Variants in CEP170B observed in about 807,000 individuals in gnomAD.
The protein encoded by CEP170B is centrosomal protein 170B.
A neutral mutation model predicts 120.6 loss-of-function variants in CEP170B; 55 were observed. That is an observed-to-expected ratio of 0.46 (90% confidence interval 0.37 to 0.57). CEP170B has a LOEUF of 0.57. Among genes scored for constraint, CEP170B ranks in the 20% least tolerant of loss-of-function variants. The probability of loss-of-function intolerance (pLI) is 0.00; values close to 1 mark genes in which losing one functional copy is unlikely to be tolerated. For synonymous variants in CEP170B, 1,033 were observed against 954.5 expected (o/e 1.08, Z -1.52); for missense variants, 2,212 against 2,253.3 (o/e 0.98, Z 0.37).
rs540529843 is a variant in CEP170B, at chr14:104,895,511, C to G, written c.*553C>G. 3.3e-5 allele frequency: 5 copies of G among 152,922 alleles called. No individual in the cohort carries two copies. Among genetic ancestry groups the G allele is most frequent in the African/African-American group, 1.2e-4 (5 of 41,606 alleles). The allele number at this position is 152,922 out of a possible 1,614,324, so 9.5% of individuals were successfully genotyped here. A position where few individuals can be genotyped will look rare whatever the true frequency, so the allele number is the denominator to read the frequency against. On this transcript the variant is annotated 3_prime_UTR_variant, in exon 19 of 19. Transcript: ENST00000414716. Reference sequence around the variant, plus strand: ...CTTGCCCTGGTGGCTCCCACCTGACCCCAGGCCTTTTATAGGCAGGAGCCC... The same window carrying G: ...CTTGCCCTGGTGGCTCCCACCTGACGCCAGGCCTTTTATAGGCAGGAGCCC...
rs1201155530 is a variant in CEP170B at position 104,886,969 on chromosome 14, C to A, written c.2730C>A (p.Thr910=). The A allele has an allele frequency of 1.4e-5, 23 of 1,608,772 alleles. No individual in the cohort carries two copies. The highest frequency in any genetic ancestry group is 1.7e-6 in the Non-Finnish European group (2 of 1,179,818). Reference sequence around the variant, plus strand: ...GCATGGACTTCCACTCCCAGGACACCCACCTGATCTTGAAGGAGACGGAGA... The same window carrying A: ...GCATGGACTTCCACTCCCAGGACACACACCTGATCTTGAAGGAGACGGAGA... ...AARMDFHSQD[T]HLILKETETA... The change falls in exon 12 of 19, where the codon ACC becomes ACA. Residue 910 remains threonine (T), a synonymous_variant. Transcript: ENST00000414716.
chr14:104,894,162 C>T (rs1896979716), intron 16 of CEP170B, 123 bp from the exon 17 acceptor site: 1 of 788,284 alleles, frequency 1.3e-6, no homozygotes, highest in Admixed American at 2.1e-5. Flanking sequence ...CTCAGTTTCC[C>T]CCTTAGGCCC....
intron 15 of CEP170B, 30 bp from the exon 16 acceptor site, chr14:104,893,731 C>CG (rs1367518005): frequency 2.3e-5 from 37 of 1,592,942 alleles, no homozygotes; most frequent in Non-Finnish European, 3.1e-5. Context: ...TCCTCGAGGG[C>CG]GGGGCCATGC....
At position 104,865,961 on chromosome 14, in the gene CEP170B, C is replaced by T. The variant is rs189313437; in HGVS notation, c.-28+448C>T. Reference sequence around the variant, plus strand: ...CGCCGTCTCCCCGCTGTCCCTGCCTCTCCCGGCCTGTGCGCTCCTTCCACC... The same window carrying T: ...CGCCGTCTCCCCGCTGTCCCTGCCTTTCCCGGCCTGTGCGCTCCTTCCACC... On this transcript the variant is annotated intron_variant, in intron 1 of 18. Coordinates refer to ENST00000414716, the MANE Select transcript of CEP170B (RefSeq NM_001112726.3). The surrounding 1 kb of genome is among the most constrained non-coding windows in gnomAD (Gnocchi z 6.7). Among the ~76,000 whole-genome samples, 510 of 152,340 alleles carry T rather than the reference C, an allele frequency of 3.3e-3. 3 individuals carry two copies. The highest frequency in any genetic ancestry group is 0.011 in the African/African-American group (478 of 41,584).
rs771744040 is a variant in CEP170B at position 104,885,402 on chromosome 14, A to C, written c.1804A>C (p.Arg602=). 1.3e-6 allele frequency: 2 copies of C among 1,570,788 alleles called. No homozygotes were observed. Among genetic ancestry groups the C allele is most frequent in the Non-Finnish European group, 1.7e-6 (2 of 1,158,480 alleles). ...FGVLESPELS[R]ASSATFRPVI... ...GGTGTTGGAGTCCCCTGAACTCTCCAGGGCATCTTCGGCCACCTTTCGCCC... is the reference window on the plus strand; with the variant it reads ...GGTGTTGGAGTCCCCTGAACTCTCCCGGGCATCTTCGGCCACCTTTCGCCC... The change falls in exon 10 of 19, where the codon AGG becomes CGG. Residue 602 remains arginine (R), a synonymous_variant. Coordinates refer to ENST00000414716, the MANE Select transcript of CEP170B (RefSeq NM_001112726.3).
In CEP170B at chr14:104,895,589, G is replaced by C. The variant is rs1244156858; in HGVS notation, c.*631G>C. Reference sequence around the variant, plus strand: ...CAGTTGCCAAACCCATTGAGCTTGGGGCTGCCCTGTGGAGGCCTCCTGGGT... The same window carrying C: ...CAGTTGCCAAACCCATTGAGCTTGGCGCTGCCCTGTGGAGGCCTCCTGGGT... On this transcript the variant is annotated 3_prime_UTR_variant, in exon 19 of 19. Transcript: ENST00000414716. The C allele has an allele frequency of 6.5e-6, 1 of 152,768 alleles. No individual in the cohort carries two copies. The highest frequency in any genetic ancestry group is 1.5e-5 in the Non-Finnish European group (1 of 68,210). The allele number at this position is 152,768 out of a possible 1,614,324, so 9.5% of individuals were successfully genotyped here.
rs1446396654 is a variant in CEP170B, at chr14:104,867,749, G to A, written c.-27-675G>A. On this transcript the variant is annotated intron_variant, in intron 1 of 18. Transcript: ENST00000414716. This position sits in a 1 kb window ranked among gnomAD's most constrained non-coding sequence, Gnocchi z 5.4. ...TCTTTGTTGATGTCACTGGGACTAT[G>A]GGCACCAAAGCCTCACTTCCCTCTT... Among the ~76,000 whole-genome samples the A allele has an allele frequency of 1.3e-5, 2 of 152,102 alleles. No individual in the cohort carries two copies. Among genetic ancestry groups the A allele is most frequent in the Admixed American group, 6.6e-5 (1 of 15,266 alleles).
At chr14:104,889,544 T>C (rs1409546455) in intron 12 of CEP170B, 76 bp from the exon 13 acceptor site, 1 of 1,598,104 alleles carries the variant, frequency 6.3e-7, no homozygotes, top group Non-Finnish European at 8.5e-7. Context: ...GGGCTCGGAT[T>C]ACACGTCCAC....
At chr14:104,873,645 G>A (rs572584352) in intron 2 of CEP170B, among the ~76,000 whole-genome samples, 14 of 152,136 alleles carry the variant, frequency 9.2e-5, no homozygotes, top group Admixed American at 4.6e-4. Context: ...GAGGCCCAGC[G>A]GGTCTGAGGC....
At chr14:104,880,198 C>G in intron 5 of CEP170B, 89 bp from the exon 6 acceptor site, 1 of 1,514,378 alleles carries the variant, frequency 6.6e-7, no homozygotes, top group South Asian at 1.2e-5. Context: ...TAGCTGGGCC[C>G]TCTGGATGGA....
Position 104,883,936 on chromosome 14 carries a change from T to C in CEP170B, c.1157T>C (p.Leu386Pro). The C allele has an allele frequency of 3.7e-6, 6 of 1,603,400 alleles. No individual in the cohort carries two copies. Among genetic ancestry groups the C allele is most frequent in the Non-Finnish European group, 5.1e-6 (6 of 1,175,544 alleles). Residue 386 changes from leucine to proline, a missense_variant, in exon 9 of 19, where the codon CTG becomes CCG. Leu to Pro is a moderately conservative substitution (Grantham distance 98). Around this residue, in one of 2 missense-constraint regions of CEP170B, gnomAD observed 2,166 missense variants for 2,166.7 expected, o/e 1.00. Coordinates refer to ENST00000414716, the MANE Select transcript of CEP170B (RefSeq NM_001112726.3). The stretch of plus-strand genomic sequence containing the variant: ...GAGGCCAGCGGGGAGCAGGTGCGGC[T>C]GCAGAGGCAGATCAAGCGGGACCCC... ...PLEASGEQVR[L>P]QRQIKRDPQE...
At chr14:104,890,325 GATGGATGGATGGATGAGTGT>G (rs1896756509) in intron 13 of CEP170B, among the ~76,000 whole-genome samples, 1 of 135,264 alleles carries the variant, frequency 7.4e-6, no homozygotes, top group Non-Finnish European at 1.6e-5. Flanking sequence ...TGGGTGGGTG[GATGGATGGATGGATGAGTGT>G]GTGGATGGAT....
Position 104,884,266 on chromosome 14 carries a change from G to T in CEP170B, c.1487G>T (p.Arg496Leu). 1 of 1,543,122 alleles carries T rather than the reference G, an allele frequency of 6.5e-7. No individual in the cohort carries two copies. Among genetic ancestry groups the T allele is most frequent in the Non-Finnish European group, 8.7e-7 (1 of 1,145,618 alleles). Residue 496 changes from arginine to leucine, a missense_variant, in exon 9 of 19, where the codon CGC becomes CTC. By Grantham distance (102) the Arg-to-Leu change is moderately radical (BLOSUM62 -2). This residue lies in a region of CEP170B where 2,166 missense variants were observed against 2,166.7 expected (regional missense o/e 1.00). Coordinates refer to ENST00000414716, the MANE Select transcript of CEP170B (RefSeq NM_001112726.3). ...PARPFGSVGRRSRLAQDFMAQ... is the reference protein window; with the variant it reads ...PARPFGSVGRLSRLAQDFMAQ... ...CGCCCCTTCGGAAGCGTGGGGCGCCGCTCCCGCCTGGCCCAGGACTTCATG... is the reference window on the plus strand; with the variant it reads ...CGCCCCTTCGGAAGCGTGGGGCGCCTCTCCCGCCTGGCCCAGGACTTCATG...
rs1044834585 is a variant in CEP170B, at chr14:104,867,833, G to T, written c.-27-591G>T. On this transcript the variant is annotated intron_variant, in intron 1 of 18. Coordinates refer to ENST00000414716, the MANE Select transcript of CEP170B (RefSeq NM_001112726.3). This position sits in a 1 kb window ranked among gnomAD's most constrained non-coding sequence, Gnocchi z 5.4. Reference sequence around the variant, plus strand: ...CACCATGCCCACCAAAGGACATTTGGCCTCCTCTCGGTGGTGGACATATTG... The same window carrying T: ...CACCATGCCCACCAAAGGACATTTGTCCTCCTCTCGGTGGTGGACATATTG... Among the ~76,000 whole-genome samples, 1 of 151,988 alleles carries T rather than the reference G, an allele frequency of 6.6e-6. No individual in the cohort carries two copies. The highest frequency in any genetic ancestry group is 1.5e-5 in the Non-Finnish European group (1 of 67,988).
rs1895838921 is a variant in CEP170B, at chr14:104,876,225, G to A, written c.106-31G>A. 3.2e-6 allele frequency: 5 copies of A among 1,548,742 alleles called. No homozygotes were observed. In the Admixed American group the frequency reaches 7.9e-5, roughly 24 times the overall value. On this transcript the variant is annotated intron_variant, in intron 2 of 18. Transcript: ENST00000414716. ...CTTGGGTGTCACCTCCTCCCCTGGA[G>A]CACCTGAGGGCTGGCTGTGTGTCTC... is the stretch of plus-strand genomic sequence containing the variant.
In CEP170B at chr14:104,865,469, CAAGCCGGGGACT is replaced by C. The variant is rs1430846146; in HGVS notation, c.-68_-57del. On this transcript the variant is annotated 5_prime_UTR_variant, in exon 1 of 19. Transcript: ENST00000414716. This position sits in a 1 kb window ranked among gnomAD's most constrained non-coding sequence, Gnocchi z 6.7. ...ACAAGCCGGGGACCAAGCCGGGGAC[CAAGCCGGGGACT>C]AAGGCGAGCCGGAGACCGAGCCCGA... is the stretch of plus-strand genomic sequence containing the variant. 163 of 150,592 alleles carry C rather than the reference CAAGCCGGGGACT, an allele frequency of 1.1e-3. No individual in the cohort carries two copies. The highest frequency in any genetic ancestry group is 2.0e-3 in the Non-Finnish European group (133 of 67,548). 9.3% of individuals were successfully genotyped at this position (150,592 alleles called of 1,614,324 possible).
In CEP170B at chr14:104,868,426, C is replaced by T; in HGVS notation, c.-25C>T. 1 of 1,545,530 alleles carries T rather than the reference C, an allele frequency of 6.5e-7. No individual in the cohort carries two copies. The highest frequency in any genetic ancestry group is 8.7e-7 in the Non-Finnish European group (1 of 1,145,044). On this transcript the variant is annotated splice_region_variant and 5_prime_UTR_variant, in exon 2 of 19. Transcript: ENST00000414716. The surrounding 1 kb of genome is among the most constrained non-coding windows in gnomAD (Gnocchi z 5.9). ...TCTAACAATCCCCTCTTCCCCAGGG[C>T]CAGACGGGCCCAGCCAGCACCAAGA... is the stretch of plus-strand genomic sequence containing the variant.
At chr14:104,882,632 T>C in intron 6 of CEP170B, 96 bp from the exon 7 acceptor site, 2 of 957,536 alleles carry the variant, frequency 2.1e-6, no homozygotes, top group Non-Finnish European at 3.1e-6. Flanking sequence ...TGCCAGGGCC[T>C]GCCCCAGAGT....
intron 14 of CEP170B, 69 bp from the exon 15 acceptor site, chr14:104,893,454 G>A: frequency 5.8e-6 from 9 of 1,540,310 alleles, no homozygotes; most frequent in Non-Finnish European, 7.9e-6. Context: ...GGCCGGAGCA[G>A]GGAGGTGCAG....
Sources: allele counts gnomAD v4.1 joint callset (sites outside exome capture counted in the v4.1 genomes callset), GRCh38; gene constraint gnomAD v4.1.1; regional missense constraint gnomAD v4.1.1; non-coding constraint Gnocchi (gnomAD v3.1); transcripts MANE v1.5; gene names NCBI Gene and HGNC (gene_info 2026-07-23, HGNC 2026-07-21).